C2orf42: variants seen among roughly 807,000 people sequenced by gnomAD.
C2orf42 encodes chromosome 2 open reading frame 42, also known as uncharacterized protein C2orf42.
Under a neutral mutation model 58.9 loss-of-function variants are expected in C2orf42, and 44 were observed. The ratio of observed to expected loss-of-function variants is 0.75; its 90% confidence interval spans 0.59 to 0.96. The LOEUF (loss-of-function observed/expected upper bound fraction) is 0.96, where lower values mean the gene tolerates loss of function less well. Among genes scored for constraint, C2orf42 ranks in the 40% least tolerant of loss-of-function variants. The probability of loss-of-function intolerance (pLI) is 0.00; values close to 1 mark genes in which losing one functional copy is unlikely to be tolerated. For synonymous variants in C2orf42, 239 were observed against 265.4 expected (o/e 0.90, Z 0.97); for missense variants, 630 against 699.2 (o/e 0.90, Z 1.12).
At chr2:70,159,179 C>G (rs1672896910) in intron 9 of C2orf42, among the ~76,000 whole-genome samples, 1 of 152,080 alleles carries the variant, frequency 6.6e-6, no homozygotes, top group African/African-American at 2.4e-5. Flanking sequence ...AGCCACCGTG[C>G]CCGGCCCTCG....
At chr2:70,154,068 C>CAAAAA (rs1306246622) in intron 9 of C2orf42, among the ~76,000 whole-genome samples, 1 of 109,048 alleles carries the variant, frequency 9.2e-6, no homozygotes. Context: ...AACAAACAAA[C>CAAAAA]AAACAAAAAA....
chr2:70,151,513 A>T (rs933512801), intron 9 of C2orf42, among the ~76,000 whole-genome samples: 5 of 151,868 alleles, frequency 3.3e-5, no homozygotes, highest in Non-Finnish European at 5.9e-5. Context: ...ATGCTCCTGT[A>T]ATCCCAGTTA....
intron 1 of C2orf42, among the ~76,000 whole-genome samples, chr2:70,187,127 CA>C (rs979792416): frequency 1.4e-4 from 21 of 147,960 alleles, no homozygotes; most frequent in African/African-American, 3.7e-4. Flanking sequence ...CAAAACAAAA[CA>C]AAAAAAAAAC....
intron 4 of C2orf42, among the ~76,000 whole-genome samples, chr2:70,177,182 G>GA (rs1008572397): frequency 6.6e-6 from 1 of 151,842 alleles, no homozygotes; most frequent in African/African-American, 2.4e-5. Context: ...CGAGGCAGGA[G>GA]AATCACTTGA....
At position 70,150,448 on chromosome 2, in the gene C2orf42, G is replaced by C; in HGVS notation, c.1633C>G (p.Arg545Gly). Residue 545 changes from arginine (R) to glycine (G), a missense_variant, in exon 10 of 10, where the codon CGG becomes GGG. Coordinates refer to ENST00000264434, the MANE Select transcript of C2orf42 (RefSeq NM_017880.3). The stretch of plus-strand genomic sequence containing the variant: ...TGGTACTCCGCCACATGCCCATTCC[G>C]GTGGTGGCCATACTCAAACTTGATC... ...LRIKFEYGHHRNGHVAEYQDQ... is the reference protein window; with the variant it reads ...LRIKFEYGHHGNGHVAEYQDQ... The C allele has an allele frequency of 1.2e-6, 2 of 1,614,136 alleles. No individual in the cohort carries two copies. The highest frequency in any genetic ancestry group is 1.7e-6 in the Non-Finnish European group (2 of 1,179,998).
At chr2:70,159,820 G>T (rs1476437817) in intron 9 of C2orf42, among the ~76,000 whole-genome samples, 1 of 152,048 alleles carries the variant, frequency 6.6e-6, no homozygotes, top group South Asian at 2.1e-4. Flanking sequence ...ACAGGCATAA[G>T]CCACTGTGCC....
At position 70,184,479 on chromosome 2, in the gene C2orf42, A is replaced by AT. The variant is rs771522645; in HGVS notation, c.-281-1545dup. ...GACATGAACCACTGTGCCTGGCCCT[A>AT]TTTTTTTTTTTTTTTTTTTTTTTTT... On this transcript the variant is annotated intron_variant, in intron 1 of 9. Transcript: ENST00000264434. Among the ~76,000 whole-genome samples the AT allele has an allele frequency of 5.7e-3, 441 of 77,370 alleles. 10 individuals carry two copies. The highest frequency in any genetic ancestry group is 0.017 in the East Asian group (42 of 2,420). 50.8% of individuals were successfully genotyped at this position (77,370 alleles called of 152,430 possible).
intron 4 of C2orf42, 78 bp from the exon 5 acceptor site, chr2:70,175,855 A>G (rs1674157256): frequency 2.3e-6 from 2 of 882,218 alleles, no homozygotes; most frequent in African/African-American, 1.7e-5. Flanking sequence ...TTAGAGTCTA[A>G]AACATATAAA....
At position 70,181,571 on chromosome 2, in the gene C2orf42, C is replaced by T. The variant is rs746429248; in HGVS notation, c.415G>A (p.Ala139Thr). 6.2e-7 allele frequency: 1 copy of T among 1,614,064 alleles called. No homozygotes were observed. Among genetic ancestry groups the T allele is most frequent in the South Asian group, 1.1e-5 (1 of 91,084 alleles). Reference protein sequence around the residue: ...VENQCQHIKLAVNCQAEATPL... With the variant: ...VENQCQHIKLTVNCQAEATPL... ...GTGGCCTCTGCCTGGCAGTTCACCG[C>T]CAGCTTGATGTGCTGGCACTGGTTT... Residue 139 changes from alanine to threonine, a missense_variant, in exon 3 of 10, where the codon GCG (alanine) becomes ACG (threonine). Transcript: ENST00000264434.
At chr2:70,171,389 CAT>C (rs1187364996) in intron 5 of C2orf42, among the ~76,000 whole-genome samples, 1 of 152,172 alleles carries the variant, frequency 6.6e-6, no homozygotes, top group Non-Finnish European at 1.5e-5. Flanking sequence ...CAATAATGAA[CAT>C]ATTCTTTCAT....
At chr2:70,175,583 T>C (rs879125000) in intron 5 of C2orf42, 90 bp downstream of exon 5, 2 of 808,738 alleles carry the variant, frequency 2.5e-6, no homozygotes, top group South Asian at 1.4e-5. Flanking sequence ...CTGGGACTCT[T>C]TGGGTGACAA....
intron 8 of C2orf42, among the ~76,000 whole-genome samples, chr2:70,162,517 G>A (rs111340647): frequency 2.0e-4 from 31 of 151,714 alleles, no homozygotes; most frequent in African/African-American, 7.2e-4. Context: ...AGGATGGTGC[G>A]CTTGTAATCC....
At chr2:70,187,327 T>C (rs927155749) in intron 1 of C2orf42, among the ~76,000 whole-genome samples, 5 of 152,190 alleles carry the variant, frequency 3.3e-5, no homozygotes, top group Admixed American at 6.5e-5. Context: ...CTCAGCTCAC[T>C]GCAACCTCCG....
rs962804729 is a variant in C2orf42 at position 70,159,181 on chromosome 2, C to T, written c.1516+1444G>A. Among the ~76,000 whole-genome samples the T allele has an allele frequency of 1.1e-4, 17 of 152,124 alleles. No individual in the cohort carries two copies. In the South Asian group the frequency reaches 1.2e-3, roughly 11 times the overall value. ...GATTACAGGCGTGAGCCACCGTGCC[C>T]GGCCCTCGGCGGAGTATTCCTTTTA... On this transcript the variant is annotated intron_variant, in intron 9 of 9. Coordinates refer to ENST00000264434, the MANE Select transcript of C2orf42 (RefSeq NM_017880.3).
In C2orf42 at chr2:70,184,465, C is replaced by T. The variant is rs1674789830; in HGVS notation, c.-281-1530G>A. Among the ~76,000 whole-genome samples, 5 of 149,358 alleles carry T rather than the reference C, an allele frequency of 3.3e-5. No individual in the cohort carries two copies. The Admixed American group carries it at 3.4e-4, about 10-fold the overall frequency. ...GTGCTGGGATTACAGACATGAACCA[C>T]TGTGCCTGGCCCTATTTTTTTTTTT... is the stretch of plus-strand genomic sequence containing the variant. On this transcript the variant is annotated intron_variant, in intron 1 of 9. Coordinates refer to ENST00000264434, the MANE Select transcript of C2orf42 (RefSeq NM_017880.3).
chr2:70,152,336 T>C (rs1269875130), intron 9 of C2orf42, among the ~76,000 whole-genome samples: 1 of 152,222 alleles, frequency 6.6e-6, no homozygotes, highest in African/African-American at 2.4e-5. Context: ...GTCACAGACA[T>C]TCTAGCTTCC....
intron 1 of C2orf42, among the ~76,000 whole-genome samples, chr2:70,187,590 T>A (rs1258254988): frequency 6.6e-6 from 1 of 152,202 alleles, no homozygotes; most frequent in Non-Finnish European, 1.5e-5. Flanking sequence ...CAGCAGGCGA[T>A]TTGTGAGTAT....
chr2:70,185,468 T>C (rs896369075), intron 1 of C2orf42, among the ~76,000 whole-genome samples: 11 of 151,898 alleles, frequency 7.2e-5, no homozygotes, highest in East Asian at 1.9e-4. Context: ...GCCAGCACTT[T>C]GGGAGGCTGA....
chr2:70,163,441 T>C (rs1673192675), intron 8 of C2orf42, among the ~76,000 whole-genome samples: 1 of 151,128 alleles, frequency 6.6e-6, no homozygotes, highest in Non-Finnish European at 1.5e-5. Flanking sequence ...GAGACGGGGT[T>C]TCACTGTGTT....
Sources: gnomAD v4.1 joint callset for allele counts (sites outside exome capture counted in the v4.1 genomes callset) on GRCh38, gnomAD v4.1.1 for gene constraint, MANE v1.5 for transcripts, NCBI Gene and HGNC (gene_info 2026-07-23, HGNC 2026-07-21) for gene names.